Variants in PAPSS2 observed in about 807,000 individuals in gnomAD.
PAPSS2 encodes bifunctional 3'-phosphoadenosine 5'-phosphosulfate synthase 2.
In PAPSS2, 61 loss-of-function variants were observed where a neutral mutation model predicts 66.5. The ratio of observed to expected loss-of-function variants is 0.92; its 90% CI spans 0.75 to 1.14. The LOEUF (loss-of-function observed/expected upper bound fraction) is 1.14. Ranked by LOEUF, PAPSS2 falls within the 50% of genes most tolerant of loss-of-function variation. PAPSS2 has a pLI of 0.00. For synonymous variants in PAPSS2, 289 were observed against 287.5 expected, an observed-to-expected ratio of 1.01 and a Z score of -0.05; for missense variants, 708 against 789.6, an observed-to-expected ratio of 0.90 and a Z score of 1.24.
chr10:87,744,180 T>C (rs778621749), intron 11 of PAPSS2, among the ~76,000 whole-genome samples: 2 of 152,096 alleles, frequency 1.3e-5, no homozygotes, highest in Non-Finnish European at 2.9e-5. Flanking sequence ...AGTTGGCAAG[T>C]GAATGAGGTG....
At chr10:87,671,661 A>G (rs577058677) in intron 1 of PAPSS2, among the ~76,000 whole-genome samples, 3 of 152,346 alleles carry the variant, frequency 2.0e-5, no homozygotes, top group African/African-American at 7.2e-5. Context: ...CTCTGGATGT[A>G]CTAGAGGTTT....
intron 9 of PAPSS2, among the ~76,000 whole-genome samples, chr10:87,733,243 C>A (rs931030758): frequency 4.6e-5 from 7 of 152,218 alleles, no homozygotes; most frequent in African/African-American, 1.7e-4. Flanking sequence ...TCTCCAACGT[C>A]ATTCTTGACC....
intron 7 of PAPSS2, among the ~76,000 whole-genome samples, chr10:87,720,239 G>A (rs1415314615): frequency 6.6e-6 from 1 of 151,886 alleles, no homozygotes; most frequent in Non-Finnish European, 1.5e-5. Flanking sequence ...AAAATCAGAG[G>A]CAATCTACAC....
Position 87,745,147 on chromosome 10 carries a change from G to A in PAPSS2, c.1637G>A (p.Gly546Asp), listed in dbSNP as rs1244739354. The change falls in exon 12 of 13, where the codon GGC becomes GAC. Residue 546 changes from glycine (G) to aspartate (D), a missense_variant. Transcript: ENST00000456849. ...HGGKVLSMAPGLTSVEIIPFR... is the reference protein window; with the variant it reads ...HGGKVLSMAPDLTSVEIIPFR... The stretch of plus-strand genomic sequence containing the variant: ...GGCAAGGTCTTGAGCATGGCCCCTG[G>A]CCTCACCTCTGTGGAAATCATTCCA... 1.2e-6 allele frequency: 2 copies of A among 1,614,114 alleles called. No homozygotes were observed. Among genetic ancestry groups the A allele is most frequent in the South Asian group, 1.1e-5 (1 of 91,084 alleles).
At chr10:87,681,703 C>A (rs966386160) in intron 1 of PAPSS2, among the ~76,000 whole-genome samples, 2 of 152,174 alleles carry the variant, frequency 1.3e-5, no homozygotes, top group African/African-American at 4.8e-5. Context: ...CAGTCATTCC[C>A]ATTCCTACTC....
intron 10 of PAPSS2, among the ~76,000 whole-genome samples, chr10:87,743,151 C>A (rs777824280): frequency 2.7e-4 from 40 of 150,852 alleles, no homozygotes; most frequent in Non-Finnish European, 5.3e-4. Context: ...GAGGCTGAGG[C>A]AGGAGAATCG....
chr10:87,662,825 G>A (rs1852769005), intron 1 of PAPSS2, among the ~76,000 whole-genome samples: 1 of 152,022 alleles, frequency 6.6e-6, no homozygotes, highest in African/African-American at 2.4e-5. Flanking sequence ...AAACCACAGC[G>A]CTCTCCATAG....
chr10:87,702,886 A>G (rs145012838), intron 1 of PAPSS2, among the ~76,000 whole-genome samples: 2 of 152,194 alleles, frequency 1.3e-5, no homozygotes, highest in Non-Finnish European at 2.9e-5. Context: ...CCGCCCCACC[A>G]TGAAACCATC....
chr10:87,673,689 CTTT>C lies in PAPSS2; in HGVS notation c.27+13704_27+13706del, dbSNP rs34935261. Among the ~76,000 whole-genome samples, 256 of 67,406 alleles carry C rather than the reference CTTT, an allele frequency of 3.8e-3. 4 individuals are homozygous for C. The East Asian group carries it at 0.069, about 18-fold the overall frequency. 44.2% of individuals were successfully genotyped at this position (67,406 alleles called of 152,430 possible). On this transcript the variant is annotated intron_variant, in intron 1 of 12. Coordinates refer to ENST00000456849, the MANE Select transcript of PAPSS2 (RefSeq NM_001015880.2). ...AGCTCAGAAGTGAATTTTTGGCTTA[CTTT>C]TTTTTTTTTTTTTTTTTTTTTTGCA...
chr10:87,707,380 T>TG (rs1419980573), intron 1 of PAPSS2, among the ~76,000 whole-genome samples: 1 of 152,146 alleles, frequency 6.6e-6, no homozygotes, highest in African/African-American at 2.4e-5. Flanking sequence ...CTATCTGGTT[T>TG]GGGGGGTGTC....
At chr10:87,690,141 G>A (rs1239974292) in intron 1 of PAPSS2, among the ~76,000 whole-genome samples, 1 of 152,174 alleles carries the variant, frequency 6.6e-6, no homozygotes, top group Admixed American at 6.5e-5. Flanking sequence ...TAAGTATAAG[G>A]TTATTAATTA....
In PAPSS2 at chr10:87,746,199, C is replaced by T; in HGVS notation, c.*229C>T. The T allele has an allele frequency of 3.1e-6, 1 of 325,784 alleles. No homozygotes were observed. Among genetic ancestry groups the T allele is most frequent in the Non-Finnish European group, 5.5e-6 (1 of 182,032 alleles). 20.2% of individuals were successfully genotyped at this position (325,784 alleles called of 1,614,324 possible). Reference sequence around the variant, plus strand: ...AGCAGGTAAAAGCAATATTCTTATACATTTCATAATAAAATTAGCTCTATG... The same window carrying T: ...AGCAGGTAAAAGCAATATTCTTATATATTTCATAATAAAATTAGCTCTATG... On this transcript the variant is annotated 3_prime_UTR_variant, in exon 13 of 13. Transcript: ENST00000456849.
intron 3 of PAPSS2, among the ~76,000 whole-genome samples, 171 bp downstream of exon 3, chr10:87,713,481 A>G (rs946233669): frequency 1.3e-5 from 2 of 152,024 alleles, no homozygotes; most frequent in African/African-American, 4.8e-5. Flanking sequence ...CCTCTATTTA[A>G]TATTGGTTAT....
intron 10 of PAPSS2, among the ~76,000 whole-genome samples, chr10:87,742,802 C>T (rs1440646868): frequency 5.3e-5 from 8 of 152,250 alleles, no homozygotes. Flanking sequence ...CAGGAAAGGT[C>T]CTGGCAACAA....
At chr10:87,734,663 GTATATATATATATATATATATATATATA>G (rs66686947) in intron 9 of PAPSS2, among the ~76,000 whole-genome samples, 4,791 of 81,258 alleles carry the variant, frequency 0.059, 278 homozygotes, top group Middle Eastern at 0.11. Flanking sequence ...GAATGTGTGT[GTATATATATATATATATATATATATATA>G]TATATATATA....
intron 1 of PAPSS2, among the ~76,000 whole-genome samples, chr10:87,700,397 C>G (rs1853288006): frequency 6.6e-6 from 1 of 152,044 alleles, no homozygotes; most frequent in African/African-American, 2.4e-5. Flanking sequence ...TGGTTCATGC[C>G]TGTAATCCCA....
intron 1 of PAPSS2, among the ~76,000 whole-genome samples, chr10:87,697,404 G>T (rs941830): frequency 6.6e-6 from 1 of 151,924 alleles, no homozygotes; most frequent in Non-Finnish European, 1.5e-5. Flanking sequence ...CACTGCGGAA[G>T]GGTGAAGTTC....
At chr10:87,727,623 T>G (rs1362410731) in intron 9 of PAPSS2, 134 bp downstream of exon 9, 2 of 796,870 alleles carry the variant, frequency 2.5e-6, no homozygotes, top group Non-Finnish European at 4.2e-6. Flanking sequence ...AAGGTAGTGT[T>G]TGCAGGCTTT....
intron 9 of PAPSS2, among the ~76,000 whole-genome samples, chr10:87,734,697 A>G (rs1853775159): frequency 7.6e-6 from 1 of 131,182 alleles, no homozygotes; most frequent in African/African-American, 2.9e-5. Flanking sequence ...ATATATATAT[A>G]TATATATATG....
Sources: gnomAD v4.1 joint callset for allele counts (sites outside exome capture counted in the v4.1 genomes callset) on GRCh38, gnomAD v4.1.1 for gene constraint, MANE v1.5 for transcripts, NCBI Gene and HGNC (gene_info 2026-07-23, HGNC 2026-07-21) for gene names.